The following PACS2 variants were observed in gnomAD, a reference collection of about 807,000 sequenced individuals.
The protein encoded by PACS2 is phosphofurin acidic cluster sorting protein 2.
In PACS2, 36 loss-of-function variants were observed where a neutral mutation model predicts 113.0. That is an observed-to-expected ratio of 0.32 (90% CI 0.24 to 0.42). The LOEUF (loss-of-function observed/expected upper bound fraction) is 0.42. Ranked by LOEUF, PACS2 falls within the 10% of genes least tolerant of loss-of-function variation. The pLI is 1.00. For missense variants in PACS2, 1,015 were observed against 1,239.5 expected (o/e 0.82, Z 2.72); for synonymous variants, 589 against 536.1 (o/e 1.10, Z -1.36).
chr14:105,335,450 C>T (rs587687061), intron 1 of PACS2, among the ~76,000 whole-genome samples: 5 of 151,282 alleles, frequency 3.3e-5, no homozygotes, highest in South Asian at 4.2e-4. Flanking sequence ...GTGGCTCTGA[C>T]GCTGTGGCCG....
At chr14:105,350,370 C>T (rs1270996321) in intron 2 of PACS2, among the ~76,000 whole-genome samples, 17 of 152,320 alleles carry the variant, frequency 1.1e-4, no homozygotes, top group Admixed American at 6.5e-5. Flanking sequence ...GGCCCCACCC[C>T]ACACTGACCC....
At chr14:105,384,235 C>T (rs1222239691) in intron 16 of PACS2, 118 bp from the exon 17 acceptor site, 2 of 619,688 alleles carry the variant, frequency 3.2e-6, no homozygotes, top group Non-Finnish European at 5.7e-6. Context: ...GGAAAGTGGG[C>T]TTGTCTGGAA....
At position 105,383,433 on chromosome 14, in the gene PACS2, T is replaced by C; in HGVS notation, c.1700T>C (p.Ile567Thr). 1 of 1,609,518 alleles carries C rather than the reference T, an allele frequency of 6.2e-7. No homozygotes were observed. Among genetic ancestry groups the C allele is most frequent in the Non-Finnish European group, 8.5e-7 (1 of 1,179,816 alleles). The change falls in exon 16 of 25, where the codon ATC (isoleucine) becomes ACC (threonine). Residue 567 changes from isoleucine (I) to threonine (T), a missense_variant. By Grantham distance (89) the Ile-to-Thr change is moderately conservative. Coordinates refer to ENST00000447393, the MANE Select transcript of PACS2 (RefSeq NM_001100913.3). Reference protein sequence around the residue: ...VAGAQHYLSAILRLFVEQLSH... With the variant: ...VAGAQHYLSATLRLFVEQLSH... ...GGAGCGCAGCATTACCTCAGTGCCATCCTGCGGCTCTTTGTGGAGCAGCTG... is the reference window on the plus strand; with the variant it reads ...GGAGCGCAGCATTACCTCAGTGCCACCCTGCGGCTCTTTGTGGAGCAGCTG...
In PACS2 at chr14:105,315,941, G is replaced by A. The variant is rs2058598921; in HGVS notation, c.119+904G>A. ...TCCCTGGGGAGATGGGAGGGTGAGC[G>A]GACCTTCCAGGCACTGGAAGTGGCC... is the stretch of plus-strand genomic sequence containing the variant. On this transcript the variant is annotated intron_variant, in intron 1 of 24. Transcript: ENST00000447393. This position sits in a 1 kb window ranked among gnomAD's most constrained non-coding sequence, Gnocchi z 4.4. Among the ~76,000 whole-genome samples the A allele has an allele frequency of 6.6e-6, 1 of 152,222 alleles. No individual in the cohort carries two copies.
At chr14:105,306,466 G>C (rs1349176341) in intron 1 of PACS2, among the ~76,000 whole-genome samples, 1 of 152,000 alleles carries the variant, frequency 6.6e-6, no homozygotes, top group Non-Finnish European at 1.5e-5. Context: ...ACCATGCCCG[G>C]CTAATTTTTT....
intron 4 of PACS2, among the ~76,000 whole-genome samples, chr14:105,359,962 A>G (rs1381506831): frequency 6.6e-6 from 1 of 152,208 alleles, no homozygotes; most frequent in Non-Finnish European, 1.5e-5. Flanking sequence ...GTTTAGACAC[A>G]TAAATACTTA....
At position 105,323,336 on chromosome 14, in the gene PACS2, C is replaced by T. The variant is rs1274076405; in HGVS notation, c.119+8299C>T. 2.0e-5 allele frequency among the ~76,000 whole-genome samples: 3 copies of T among 152,192 alleles called. No individual in the cohort carries two copies. The highest frequency in any genetic ancestry group is 2.1e-4 in the South Asian group (1 of 4,828). ...AGATGCACTGGGTGGTGTCAGTGGG[C>T]GGCGGCTGGCTGGGGCAGTAGCCTG... On this transcript the variant is annotated intron_variant, in intron 1 of 24. Coordinates refer to ENST00000447393, the MANE Select transcript of PACS2 (RefSeq NM_001100913.3). The surrounding 1 kb of genome is among the most constrained non-coding windows in gnomAD (Gnocchi z 4.1).
chr14:105,350,624 C>G (rs959851202), intron 2 of PACS2, among the ~76,000 whole-genome samples: 1 of 152,252 alleles, frequency 6.6e-6, no homozygotes, highest in Non-Finnish European at 1.5e-5. Flanking sequence ...GCCCAGGCCC[C>G]CTGTGGGGGA....
At chr14:105,306,524 C>T (rs750805109) in intron 1 of PACS2, among the ~76,000 whole-genome samples, 5 of 151,868 alleles carry the variant, frequency 3.3e-5, no homozygotes, top group African/African-American at 7.3e-5. Context: ...AGGATGGCCT[C>T]GATCTCCTGA....
chr14:105,392,324 A>G, intron 22 of PACS2: 1 of 434,016 alleles, frequency 2.3e-6, no homozygotes, highest in Non-Finnish European at 4.2e-6. Flanking sequence ...CGCCTGAGGG[A>G]GCTGGTTCGC....
chr14:105,362,317 C>T (rs1172052060), intron 4 of PACS2, among the ~76,000 whole-genome samples: 8 of 150,124 alleles, frequency 5.3e-5, no homozygotes, highest in African/African-American at 7.4e-5. Context: ...ACTCGGGAGG[C>T]TGAGGCAGGA....
Position 105,383,488 on chromosome 14 carries a change from C to T in PACS2, c.1755C>T (p.Tyr585=), listed in dbSNP as rs1555412706. 10 of 1,601,472 alleles carry T rather than the reference C, an allele frequency of 6.2e-6. No homozygotes were observed. The highest frequency in any genetic ancestry group is 1.6e-4 in the Middle Eastern group (1 of 6,064). ...LSHKTPDWLG[Y]MRFLVIPLGS... is the part of the protein sequence containing the mutation. ...ACAAGACACCCGACTGGCTCGGCTA[C>T]ATGCGCTTCCTGGTCATCCCACTGG... The change falls in exon 16 of 25, where the codon TAC becomes TAT. Residue 585 remains tyrosine (Y), a synonymous_variant. Transcript: ENST00000447393.
chr14:105,391,944 T>C lies in PACS2; in HGVS notation c.2255+178T>C. ...CTCTGGCCACCTCCTGCCACAGATC[T>C]GGTGTTTGGGGGCAGGACCTCTGGG... On this transcript the variant is annotated intron_variant, in intron 22 of 24. Transcript: ENST00000447393. 3 of 612,242 alleles carry C rather than the reference T, an allele frequency of 4.9e-6. No individual in the cohort carries two copies. In the South Asian group the frequency reaches 6.3e-5, roughly 13 times the overall value. 37.9% of individuals were successfully genotyped at this position (612,242 alleles called of 1,614,324 possible).
intron 1 of PACS2, among the ~76,000 whole-genome samples, chr14:105,342,120 A>G (rs2059749381): frequency 1.3e-5 from 2 of 152,086 alleles, no homozygotes; most frequent in Admixed American, 6.5e-5. Flanking sequence ...ACACTCCCCA[A>G]ATGCCTCTTG....
intron 8 of PACS2, chr14:105,370,403 A>G (rs886715019): frequency 6.6e-6 from 1 of 150,858 alleles, no homozygotes; most frequent in Non-Finnish European, 1.5e-5. Flanking sequence ...ATGAGCTTGT[A>G]TAATTTTCAT....
At chr14:105,362,646 T>C (rs1595702336) in intron 4 of PACS2, among the ~76,000 whole-genome samples, 1 of 150,868 alleles carries the variant, frequency 6.6e-6, no homozygotes, top group East Asian at 2.0e-4. Context: ...AGGTCAGGAG[T>C]TCAAGACCAG....
intron 14 of PACS2, 90 bp downstream of exon 14, chr14:105,382,671 G>C: frequency 1.0e-6 from 1 of 984,256 alleles, no homozygotes; most frequent in Non-Finnish European, 1.6e-6. Context: ...GCACACCTGG[G>C]TGCTGGAGCT....
chr14:105,304,865 C>A (rs1228111415), intron 1 of PACS2, among the ~76,000 whole-genome samples: 1 of 152,228 alleles, frequency 6.6e-6, no homozygotes, highest in African/African-American at 2.4e-5. Flanking sequence ...TTCGCAATCA[C>A]AAGAACAGCA....
At chr14:105,313,257 A>T (rs1485718182), upstream of PACS2, among the ~76,000 whole-genome samples, 1 of 152,182 alleles carries the variant, frequency 6.6e-6, no homozygotes, top group South Asian at 2.1e-4. Flanking sequence ...TCTGGGGTCA[A>T]TGGGTGCCTG....
Sources: gnomAD v4.1 joint callset for allele counts (sites outside exome capture counted in the v4.1 genomes callset) on GRCh38, gnomAD v4.1.1 for gene constraint, Gnocchi (gnomAD v3.1) non-coding constraint, MANE v1.5 for transcripts, NCBI Gene and HGNC (gene_info 2026-07-23, HGNC 2026-07-21) for gene names.